FAM149A: variants seen among roughly 807,000 people sequenced by gnomAD.
FAM149A encodes protein FAM149A.
In FAM149A, 71 loss-of-function variants were observed where a neutral mutation model predicts 78.2. That is an observed-to-expected ratio of 0.91 (90% CI 0.75 to 1.11). FAM149A has a LOEUF of 1.11. Ranked by LOEUF, FAM149A falls within the 50% of genes least tolerant of loss-of-function variation. FAM149A has a pLI of 0.00. For synonymous variants in FAM149A, 446 were observed against 410.5 expected, an observed-to-expected ratio of 1.09 and a Z score of -1.04; for missense variants, 1,036 against 971.0, an observed-to-expected ratio of 1.07 and a Z score of -0.89.
intron 1 of FAM149A, among the ~76,000 whole-genome samples, chr4:186,132,416 TTGCCGACATTGG>T (rs1474706026): frequency 1.3e-5 from 2 of 152,240 alleles, no homozygotes; most frequent in Non-Finnish European, 2.9e-5. Context: ...AAAGTTGGTG[TTGCCGACATTGG>T]TGAAAAGATG....
At chr4:186,159,168 G>C (rs1286367574) in intron 8 of FAM149A, among the ~76,000 whole-genome samples, 1 of 152,044 alleles carries the variant, frequency 6.6e-6, no homozygotes, top group Non-Finnish European at 1.5e-5. Flanking sequence ...GAGGCGTTTT[G>C]AGGAGATACA....
intron 1 of FAM149A, among the ~76,000 whole-genome samples, chr4:186,130,307 AT>A: frequency 1.2e-5 from 1 of 83,268 alleles, no homozygotes; most frequent in African/African-American, 4.3e-5. Context: ...ATATATATAT[AT>A]ATATATAATC....
intron 8 of FAM149A, chr4:186,158,888 C>A (rs758021385): frequency 6.8e-6 from 5 of 740,118 alleles, no homozygotes; most frequent in Admixed American, 6.3e-5. Flanking sequence ...GAAATAAGGC[C>A]GATGGAAAAT....
chr4:186,158,035 A>G (rs1192521495), intron 8 of FAM149A: 1 of 1,408,464 alleles, frequency 7.1e-7, no homozygotes, highest in African/African-American at 1.4e-5. Flanking sequence ...CAGCGATGGC[A>G]TCTCTGTCAT....
In FAM149A at chr4:186,116,495, C is replaced by G. The variant is rs140026626; in HGVS notation, c.566+10853C>G. 5.7e-4 allele frequency: 558 copies of G among 985,278 alleles called. 4 individuals carry two copies. The African/African-American group carries it at 8.7e-3, about 15-fold the overall frequency. The allele number at this position is 985,278 out of a possible 1,614,324, so 61.0% of individuals were successfully genotyped here. A position where few individuals can be genotyped will look rare whatever the true frequency, so the allele number is the denominator to read the frequency against. On this transcript the variant is annotated intron_variant, in intron 1 of 13. Coordinates refer to ENST00000389354, the MANE Select transcript of FAM149A (RefSeq NM_001367768.3). ...ATAATAATGAATTCAACTTGGTTTT[C>G]CATATCGAGTATTTGCTTATACCCG...
intron 9 of FAM149A, 118 bp downstream of exon 9, chr4:186,163,066 A>C (rs1200219474): frequency 2.9e-6 from 2 of 687,394 alleles, no homozygotes; most frequent in East Asian, 5.3e-5. Context: ...CGTGCTTCAG[A>C]TGTGCCTGAG....
chr4:186,109,050 T>C (rs771418921), intron 1 of FAM149A: 9 of 216,752 alleles, frequency 4.2e-5, no homozygotes, highest in South Asian at 1.6e-4. Context: ...GGTTTCACCA[T>C]GTTAGCCAGG....
At position 186,165,373 on chromosome 4, in the gene FAM149A, C is replaced by T. The variant is rs1222483999; in HGVS notation, c.1919C>T (p.Pro640Leu). The T allele has an allele frequency of 4.3e-6, 7 of 1,614,200 alleles. No homozygotes were observed. Among genetic ancestry groups the T allele is most frequent in the Non-Finnish European group, 5.9e-6 (7 of 1,180,024 alleles). Residue 640 changes from proline (P) to leucine (L), a missense_variant, in exon 11 of 14, where the codon CCA becomes CTA. Physicochemically the swap from Pro to Leu is moderately conservative, Grantham distance 98 (BLOSUM62 -3). Around this residue, in one of 3 missense-constraint regions of FAM149A, gnomAD observed 716 missense variants for 711.8 expected, o/e 1.01. Transcript: ENST00000389354. The stretch of plus-strand genomic sequence containing the variant: ...ACTGGCGTGGACCACATGGCTTCCC[C>T]ACTGGTTCAAACGTCACGGAGCAGG...
At chr4:186,126,858 G>C (rs1325013263) in intron 1 of FAM149A, 1 of 982,206 alleles carries the variant, frequency 1.0e-6, no homozygotes, top group East Asian at 1.1e-4. Flanking sequence ...TGTTTCTCTG[G>C]AGAACCCCAA....
chr4:186,126,009 C>G (rs1579806993), intron 1 of FAM149A: 4 of 985,398 alleles, frequency 4.1e-6, no homozygotes, highest in African/African-American at 3.5e-5. Flanking sequence ...ACCTCTAGAG[C>G]CTGCCATCTC....
In FAM149A at chr4:186,144,954, CGCGGGCGGG is replaced by C. The variant is rs1468329165; in HGVS notation, c.567-4218_567-4210del. ...GCGCGGGCGCGGGCGCGGGCGCGGG[CGCGGGCGGG>C]TGGGGAGCCCCAGCCCCGGGGCCGC... is the stretch of plus-strand genomic sequence containing the variant. On this transcript the variant is annotated intron_variant, in intron 1 of 13. Coordinates refer to ENST00000389354, the MANE Select transcript of FAM149A (RefSeq NM_001367768.3). The surrounding 1 kb of genome is among the most constrained non-coding windows in gnomAD (Gnocchi z 4.2). 5 of 973,400 alleles carry C rather than the reference CGCGGGCGGG, an allele frequency of 5.1e-6. No homozygotes were observed. The African/African-American group carries it at 9.2e-5, about 18-fold the overall frequency. The allele number at this position is 973,400 out of a possible 1,614,324, so 60.3% of individuals were successfully genotyped here.
At chr4:186,107,857 T>C (rs2099309430) in intron 1 of FAM149A, 1 of 152,264 alleles carries the variant, frequency 6.6e-6, no homozygotes, top group East Asian at 1.9e-4. Context: ...AGACTGGCCC[T>C]CTGAGCATAC....
In FAM149A at chr4:186,128,641, T is replaced by C. The variant is rs143197195; in HGVS notation, c.567-20532T>C. Reference sequence around the variant, plus strand: ...GTCTAGTATATTTCAGAGCTCATGGTTTTTTGAAATTCAAGGTCCATATTA... The same window carrying C: ...GTCTAGTATATTTCAGAGCTCATGGCTTTTTGAAATTCAAGGTCCATATTA... On this transcript the variant is annotated intron_variant, in intron 1 of 13. Coordinates refer to ENST00000389354, the MANE Select transcript of FAM149A (RefSeq NM_001367768.3). 6.9e-3 allele frequency among the ~76,000 whole-genome samples: 1,057 copies of C among 152,282 alleles called. 12 individuals are homozygous for C. Among genetic ancestry groups the C allele is most frequent in the African/African-American group, 0.024 (997 of 41,552 alleles).
rs138184420 is a variant in FAM149A, at chr4:186,156,037, G to A, written c.1267G>A (p.Gly423Ser). The A allele has an allele frequency of 6.2e-6, 10 of 1,613,610 alleles. No individual in the cohort carries two copies. Among genetic ancestry groups the A allele is most frequent in the Non-Finnish European group, 8.5e-6 (10 of 1,179,838 alleles). Reference sequence around the variant, plus strand: ...TCTTGAACAAAAACCAGCTCAGCCCGGTAGGAAATGGCGCAAACTCGGACT... The same window carrying A: ...TCTTGAACAAAAACCAGCTCAGCCCAGTAGGAAATGGCGCAAACTCGGACT... The change falls in exon 7 of 14, where the codon GGT becomes AGT. Residue 423 changes from glycine to serine, a missense_variant. Transcript: ENST00000389354.
At position 186,164,712 on chromosome 4, in the gene FAM149A, G is replaced by C. The variant is rs1473509981; in HGVS notation, c.1890-632G>C. On this transcript the variant is annotated intron_variant, in intron 10 of 13. Transcript: ENST00000389354. This position sits in a 1 kb window ranked among gnomAD's most constrained non-coding sequence, Gnocchi z 4.0. ...CTGCCCCAGCCTACCTGGGCCCCCTGTCACACCTTCATCAAATAGAAACCC... is the reference window on the plus strand; with the variant it reads ...CTGCCCCAGCCTACCTGGGCCCCCTCTCACACCTTCATCAAATAGAAACCC... Among the ~76,000 whole-genome samples the C allele has an allele frequency of 6.6e-6, 1 of 152,060 alleles. No individual in the cohort carries two copies. Among genetic ancestry groups the C allele is most frequent in the Non-Finnish European group, 1.5e-5 (1 of 68,006 alleles).
chr4:186,148,041 T>G (rs1002634202), intron 1 of FAM149A, among the ~76,000 whole-genome samples: 3 of 152,208 alleles, frequency 2.0e-5, no homozygotes, highest in African/African-American at 7.2e-5. Flanking sequence ...AAATTCTCTT[T>G]GTTGGCTGGG....
chr4:186,161,327 G>T (rs569378748), intron 8 of FAM149A, among the ~76,000 whole-genome samples: 2 of 152,146 alleles, frequency 1.3e-5, no homozygotes, highest in Non-Finnish European at 2.9e-5. Flanking sequence ...CTAAACCCGC[G>T]ATCTTTGTGA....
chr4:186,147,718 T>C (rs1420285758), intron 1 of FAM149A, among the ~76,000 whole-genome samples: 5 of 152,254 alleles, frequency 3.3e-5, no homozygotes, highest in African/African-American at 1.2e-4. Flanking sequence ...TTATTTTATG[T>C]CATTAGTATT....
At chr4:186,107,067 A>T (rs2099309075) in intron 1 of FAM149A, among the ~76,000 whole-genome samples, 1 of 152,246 alleles carries the variant, frequency 6.6e-6, no homozygotes, top group African/African-American at 2.4e-5. Context: ...CTATCAGTTA[A>T]TTGCTTTTGG....
Sources: allele counts gnomAD v4.1 joint callset (sites outside exome capture counted in the v4.1 genomes callset), GRCh38; gene constraint gnomAD v4.1.1; regional missense constraint gnomAD v4.1.1; non-coding constraint Gnocchi (gnomAD v3.1); transcripts MANE v1.5; gene names NCBI Gene and HGNC (gene_info 2026-07-23, HGNC 2026-07-21).